The following CHD8 variants were observed in gnomAD, a reference collection of about 807,000 sequenced individuals.
The protein encoded by CHD8 is chromodomain helicase DNA binding protein 8.
CHD8 carries 31 observed loss-of-function variants against 279.2 expected under a neutral mutation model. The observed-to-expected ratio is 0.11, with a 90% CI of 0.08 to 0.15. The LOEUF is 0.15. CHD8 is among the 10% of genes least tolerant of loss of function. CHD8 has a pLI of 1.00. For missense variants in CHD8, 2,146 were observed against 3,230.5 expected (o/e 0.66, Z 8.14); for synonymous variants, 1,081 against 1,139.6 (o/e 0.95, Z 1.04).
At chr14:21,428,770 A>T (rs1455455152) in intron 3 of CHD8, among the ~76,000 whole-genome samples, 194 bp downstream of exon 3, 1 of 152,204 alleles carries the variant, frequency 6.6e-6, no homozygotes, top group African/African-American at 2.4e-5. Flanking sequence ...CCCAAACCCA[A>T]CAATCCCTCT....
Position 21,430,967 on chromosome 14 carries a change from G to C in CHD8, c.677C>G (p.Ala226Gly). ...AGCAGCCTGGTTCCCAGGGACCTTG[G>C]CGGCCAACACTGTATTACCAGAGAC... ...SIVSGNTVLA[A>G]KVPGNQAAVQ... is the part of the protein sequence containing the mutation. Residue 226 changes from alanine (A) to glycine (G), a missense_variant, in exon 2 of 38, where the codon GCC (alanine) becomes GGC (glycine). Ala to Gly is a moderately conservative substitution (Grantham distance 60). Transcript: ENST00000646647. The C allele has an allele frequency of 1.3e-6, 2 of 1,599,594 alleles. No individual in the cohort carries two copies. Among genetic ancestry groups the C allele is most frequent in the Non-Finnish European group, 1.7e-6 (2 of 1,179,814 alleles).
In CHD8 at chr14:21,395,861, C is replaced by G; in HGVS notation, c.5083G>C (p.Glu1695Gln). 1 of 1,611,654 alleles carries G rather than the reference C, an allele frequency of 6.2e-7. No homozygotes were observed. Among genetic ancestry groups the G allele is most frequent in the Non-Finnish European group, 8.5e-7 (1 of 1,178,116 alleles). ...GGGGGACCTTGGAGTGGTTTATATTCAGGATCTTCACAATCTTTATCAAAG... is the reference window on the plus strand; with the variant it reads ...GGGGGACCTTGGAGTGGTTTATATTGAGGATCTTCACAATCTTTATCAAAG... ...VDFDKDCEDP[E>Q]YKPLQGPPKD... The change falls in exon 28 of 38, where the codon GAA becomes CAA. Residue 1695 changes from glutamate to glutamine, a missense_variant. Coordinates refer to ENST00000646647, the MANE Select transcript of CHD8 (RefSeq NM_001170629.2).
At chr14:21,394,599 T>C (rs1887691893) in intron 30 of CHD8, 114 bp from the exon 31 acceptor site, 1 of 111,004 alleles carries the variant, frequency 9.0e-6, no homozygotes, top group Non-Finnish European at 1.4e-5. Context: ...AAATTGAAAG[T>C]AGACGCAAAA....
chr14:21,437,865 C>A (rs1268267757), intron 1 of CHD8, among the ~76,000 whole-genome samples: 1 of 152,094 alleles, frequency 6.6e-6, no homozygotes, highest in African/African-American at 2.4e-5. Context: ...TAACAATTCC[C>A]GACCCTTAGC....
At position 21,426,328 on chromosome 14, in the gene CHD8, A is replaced by G. The variant is rs1187832866; in HGVS notation, c.1602-86T>C. 15 of 682,436 alleles carry G rather than the reference A, an allele frequency of 2.2e-5. 1 individual carries two copies. The highest frequency in any genetic ancestry group is 3.3e-5 in the Non-Finnish European group (13 of 397,000). 42.3% of individuals were successfully genotyped at this position (682,436 alleles called of 1,614,324 possible). A position where few individuals can be genotyped will look rare whatever the true frequency, so the allele number is the denominator to read the frequency against. On this transcript the variant is annotated intron_variant, in intron 4 of 37. Transcript: ENST00000646647. Reference sequence around the variant, plus strand: ...ACATAATTAATCTAAACCATCACATACAAAACTTCCAGACAGAAGTTTTTA... The same window carrying G: ...ACATAATTAATCTAAACCATCACATGCAAAACTTCCAGACAGAAGTTTTTA...
In CHD8 at chr14:21,425,945, G is replaced by A. The variant is rs1306402246; in HGVS notation, c.1716+183C>T. 12 of 556,844 alleles carry A rather than the reference G, an allele frequency of 2.2e-5. No homozygotes were observed. In the East Asian group the frequency reaches 3.7e-4, roughly 17 times the overall value. The allele number at this position is 556,844 out of a possible 1,614,324, so 34.5% of individuals were successfully genotyped here. ...GAGCAAGACTCTGTCTCAAGAAGAA[G>A]AAAACAACAACAACAACAGAAAAAA... is the stretch of plus-strand genomic sequence containing the variant. On this transcript the variant is annotated intron_variant, in intron 5 of 37. Coordinates refer to ENST00000646647, the MANE Select transcript of CHD8 (RefSeq NM_001170629.2).
intron 1 of CHD8, among the ~76,000 whole-genome samples, chr14:21,453,103 G>C (rs1456382087): frequency 1.3e-5 from 2 of 151,818 alleles, no homozygotes; most frequent in African/African-American, 2.4e-5. Flanking sequence ...GAGCCGAGGA[G>C]TTCAAGACCA....
At chr14:21,417,027 G>C (rs536508040) in intron 5 of CHD8, among the ~76,000 whole-genome samples, 7 of 152,074 alleles carry the variant, frequency 4.6e-5, no homozygotes, top group Middle Eastern at 3.2e-3. Context: ...TTGAACCCGG[G>C]GGGTGGAGGT....
intron 1 of CHD8, among the ~76,000 whole-genome samples, chr14:21,451,667 C>G (rs576169743): frequency 6.8e-6 from 1 of 146,402 alleles, no homozygotes; most frequent in Admixed American, 6.9e-5. Flanking sequence ...CTGTACCATA[C>G]AATTAATGGG....
rs983782260 is a variant in CHD8, at chr14:21,400,143, A to G, written c.4727+8T>C. On this transcript the variant is annotated splice_region_variant and intron_variant, in intron 24 of 37. Transcript: ENST00000646647. This position sits in a 1 kb window ranked among gnomAD's most constrained non-coding sequence, Gnocchi z 4.2. ...GAGGTGGAAAATGTCTGCTAATTCT[A>G]TGCTTACTTGTTACACTGATGTTTC... The G allele has an allele frequency of 3.1e-6, 5 of 1,613,866 alleles. No individual in the cohort carries two copies. Among genetic ancestry groups the G allele is most frequent in the Non-Finnish European group, 4.2e-6 (5 of 1,179,820 alleles).
At chr14:21,395,410 G>A in intron 28 of CHD8, 58 bp from the exon 29 acceptor site, 1 of 1,255,026 alleles carries the variant, frequency 8.0e-7, no homozygotes, top group Non-Finnish European at 1.1e-6. Flanking sequence ...GGGGAAGTTG[G>A]CACTCTGAAA....
At chr14:21,449,992 C>T (rs1890219707) in intron 1 of CHD8, among the ~76,000 whole-genome samples, 1 of 151,996 alleles carries the variant, frequency 6.6e-6, no homozygotes, top group African/African-American at 2.4e-5. Context: ...ACTAATGTGC[C>T]CCAGACCCAG....
Position 21,405,428 on chromosome 14 carries a change from G to GC in CHD8, c.3087dup (p.Leu1030AlafsTer9). The stretch of plus-strand genomic sequence containing the variant: ...TCAACATCCTCTTTGAGTCTTCTCA[G>GC]CATCATTGGCTTAAGAATGGCCTGT... On this transcript the variant is annotated frameshift_variant, in exon 16 of 38. Coordinates refer to ENST00000646647, the MANE Select transcript of CHD8 (RefSeq NM_001170629.2). LOFTEE classifies it high-confidence loss of function. This position sits in a 1 kb window ranked among gnomAD's most constrained non-coding sequence, Gnocchi z 4.2. 1 of 1,601,462 alleles carries GC rather than the reference G, an allele frequency of 6.2e-7. No homozygotes were observed. Among genetic ancestry groups the GC allele is most frequent in the Non-Finnish European group, 8.5e-7 (1 of 1,173,318 alleles).
intron 35 of CHD8, 43 bp from the exon 36 acceptor site, chr14:21,391,685 TGGGGGAGGGAGGGA>T: frequency 1.9e-6 from 1 of 525,684 alleles, no homozygotes; most frequent in Non-Finnish European, 3.6e-6. Context: ...TACTCTTCTT[TGGGGGAGGGAGGGA>T]GGGGGAGCAG....
At chr14:21,417,347 C>CT (rs1278947744) in intron 5 of CHD8, among the ~76,000 whole-genome samples, 2 of 152,064 alleles carry the variant, frequency 1.3e-5, no homozygotes, top group Non-Finnish European at 2.9e-5. Context: ...CAGAAAAAAC[C>CT]TAAAGGCCCA....
At position 21,415,005 on chromosome 14, in the gene CHD8, G is replaced by C. The variant is rs758594122; in HGVS notation, c.1969-12C>G. 6.4e-7 allele frequency: 1 copy of C among 1,562,934 alleles called. No individual in the cohort carries two copies. Among genetic ancestry groups the C allele is most frequent in the South Asian group, 1.2e-5 (1 of 85,958 alleles). On this transcript the variant is annotated splice_polypyrimidine_tract_variant and intron_variant, in intron 7 of 37. Coordinates refer to ENST00000646647, the MANE Select transcript of CHD8 (RefSeq NM_001170629.2). ...TGTCCAGAAGGGAGCTAAGAAAAAAGAAATAAATTAGTCACTAGTCCCTTA... is the reference window on the plus strand; with the variant it reads ...TGTCCAGAAGGGAGCTAAGAAAAAACAAATAAATTAGTCACTAGTCCCTTA...
Position 21,402,217 on chromosome 14 carries a change from T to G in CHD8, c.3883-81A>C. The G allele has an allele frequency of 6.8e-7, 1 of 1,468,328 alleles. No individual in the cohort carries two copies. The allele number at this position is 1,468,328 out of a possible 1,614,324, so 91.0% of individuals were successfully genotyped here. A position where few individuals can be genotyped will look rare whatever the true frequency, so the allele number is the denominator to read the frequency against. On this transcript the variant is annotated intron_variant, in intron 19 of 37. Coordinates refer to ENST00000646647, the MANE Select transcript of CHD8 (RefSeq NM_001170629.2). This position sits in a 1 kb window ranked among gnomAD's most constrained non-coding sequence, Gnocchi z 4.5. ...GCCATAATATTTTAGCTATTATATT[T>G]TAAGAAATAATAATTGAGAATCCAA...
At chr14:21,446,431 C>T (rs1890123459) in intron 1 of CHD8, among the ~76,000 whole-genome samples, 1 of 151,494 alleles carries the variant, frequency 6.6e-6, no homozygotes, top group Non-Finnish European at 1.5e-5. Flanking sequence ...TCTGCTTCAG[C>T]CTCCCAAGCA....
chr14:21,407,009 G>A lies in CHD8; in HGVS notation c.2754C>T (p.Tyr918=). The change falls in exon 14 of 38, where the codon TAC becomes TAT. Residue 918 remains tyrosine, a synonymous_variant. Transcript: ENST00000646647. The part of the protein sequence containing the change: ...DSRGRLIPGA[Y]KFDALITTFE... ...AAGTGGTGATCAGAGCGTCAAACTT[G>A]TATGCGCCTGGGATGAGGCGTCCCT... is the stretch of plus-strand genomic sequence containing the variant. 6.3e-7 allele frequency: 1 copy of A among 1,591,136 alleles called. No homozygotes were observed. The highest frequency in any genetic ancestry group is 8.6e-7 in the Non-Finnish European group (1 of 1,168,164).
Sources: allele counts gnomAD v4.1 joint callset (sites outside exome capture counted in the v4.1 genomes callset), GRCh38; gene constraint gnomAD v4.1.1; non-coding constraint Gnocchi (gnomAD v3.1); transcripts MANE v1.5; gene names NCBI Gene and HGNC (gene_info 2026-07-23, HGNC 2026-07-21).